INSL6: variants seen among roughly 807,000 people sequenced by gnomAD.
INSL6 encodes insulin like 6.
In INSL6, 16 loss-of-function variants were observed where a neutral mutation model predicts 9.4. That is an observed-to-expected ratio of 1.70 (90% confidence interval 1.15 to 2.59). The LOEUF is 2.59. Among genes scored for constraint, INSL6 ranks in the 30% most tolerant of loss-of-function variants. The pLI is 0.00. For synonymous variants in INSL6, 154 were observed against 96.9 expected (o/e 1.59, Z -3.46); for missense variants, 391 against 257.3 (o/e 1.52, Z -3.56).
the INSL6 span, among the ~76,000 whole-genome samples, chr9:5,019,265 A>G: frequency 6.6e-6 from 1 of 151,804 alleles, no homozygotes; most frequent in Non-Finnish European, 1.5e-5. Flanking sequence ...ATTTTTGTCT[A>G]ATGGGGTTAT....
At chr9:4,997,036 C>A in the INSL6 span, among the ~76,000 whole-genome samples, 1 of 150,526 alleles carries the variant, frequency 6.6e-6, no homozygotes, top group Non-Finnish European at 1.5e-5. Context: ...TCCAGTGATC[C>A]TCCTACCTCA....
At chr9:5,041,658 C>T in the INSL6 span, 2 of 507,958 alleles carry the variant, frequency 3.9e-6, no homozygotes, top group East Asian at 1.1e-4. Flanking sequence ...CGACTACCTG[C>T]GGAAGCTCTC....
chr9:5,072,955 A>G, the INSL6 span, among the ~76,000 whole-genome samples: 7 of 127,610 alleles, frequency 5.5e-5, no homozygotes, highest in East Asian at 1.4e-3. Context: ...CATTTATTTG[A>G]AAAAAAAACA....
intron 2 of INSL6, among the ~76,000 whole-genome samples, chr9:5,139,299 G>A (rs976797251): frequency 6.6e-6 from 1 of 151,950 alleles, no homozygotes; most frequent in African/African-American, 2.4e-5. Context: ...GTGGCCATTT[G>A]TTCATAGTTG....
At chr9:5,080,251 G>T in the INSL6 span, 2 of 1,612,378 alleles carry the variant, frequency 1.2e-6, no homozygotes, top group Non-Finnish European at 8.5e-7. Context: ...GAATACCATG[G>T]GTACCACCTG....
At chr9:5,058,917 A>T in the INSL6 span, among the ~76,000 whole-genome samples, 15 of 152,212 alleles carry the variant, frequency 9.9e-5, no homozygotes, top group South Asian at 8.3e-4. Flanking sequence ...TTATTTATGT[A>T]TTCTGGATAT....
intron 2 of INSL6, among the ~76,000 whole-genome samples, chr9:5,141,306 A>C (rs1188923136): frequency 2.0e-5 from 3 of 152,084 alleles, no homozygotes; most frequent in Non-Finnish European, 2.9e-5. Flanking sequence ...GGTTGAACTA[A>C]TTTACACTCC....
the INSL6 span, among the ~76,000 whole-genome samples, chr9:5,014,791 C>T: frequency 2.0e-5 from 3 of 152,168 alleles, no homozygotes; most frequent in African/African-American, 4.8e-5. Flanking sequence ...GAAACTACCA[C>T]CCACCCCAGG....
rs1172473325 is a variant in INSL6, at chr9:5,185,520, C to T, written c.83G>A (p.Ser28Asn). 5 of 1,614,216 alleles carry T rather than the reference C, an allele frequency of 3.1e-6. No individual in the cohort carries two copies. The South Asian group carries it at 4.4e-5, about 14-fold the overall frequency. Residue 28 changes from serine to asparagine, a missense_variant, in exon 1 of 2, where the codon AGT (serine) becomes AAT (asparagine). Coordinates refer to ENST00000381641, the MANE Select transcript of INSL6 (RefSeq NM_007179.3). ...RFSRELSDIS[S>N]ARKLCGRYLV... is the part of the protein sequence containing the mutation. ...GTACCTGCCGCACAGCTTCCTGGCA[C>T]TGCTGATGTCGCTCAGTTCACGAGA...
At chr9:5,038,868 A>G in the INSL6 span, among the ~76,000 whole-genome samples, 2 of 152,222 alleles carry the variant, frequency 1.3e-5, no homozygotes, top group South Asian at 2.1e-4. Flanking sequence ...AAATCAATCA[A>G]TGTAATACAC....
chr9:5,037,437 A>G, the INSL6 span, among the ~76,000 whole-genome samples: 277 of 151,932 alleles, frequency 1.8e-3, 1 homozygote, highest in Middle Eastern at 3.4e-3. Context: ...ATTCACAATA[A>G]CAAAGACTTG....
At chr9:4,999,230 C>T in the INSL6 span, among the ~76,000 whole-genome samples, 1 of 152,130 alleles carries the variant, frequency 6.6e-6, no homozygotes, top group Admixed American at 6.5e-5. Context: ...TATGGCTGTT[C>T]TTAATCTTTT....
intron 1 of INSL6, among the ~76,000 whole-genome samples, chr9:5,166,365 A>G (rs1388010168): frequency 6.6e-6 from 1 of 152,176 alleles, no homozygotes; most frequent in Non-Finnish European, 1.5e-5. Context: ...TTGCAGTTAG[A>G]GGCCTATTAG....
Position 5,164,204 on chromosome 9 carries a change from C to T in INSL6, c.351G>A (p.Lys117=). Residue 117 remains lysine (K), a synonymous_variant, in exon 2 of 2, where the codon AAG becomes AAA. Coordinates refer to ENST00000381641, the MANE Select transcript of INSL6 (RefSeq NM_007179.3). ...CAAGGGGTGAATATCCCTTTTTATCCTTATACTCAGGTAGTGACTGCATTT... is the reference window on the plus strand; with the variant it reads ...CAAGGGGTGAATATCCCTTTTTATCTTTATACTCAGGTAGTGACTGCATTT... ...SWEMQSLPEY[K]DKKGYSPLGK... 6.2e-7 allele frequency: 1 copy of T among 1,607,726 alleles called. No homozygotes were observed. The highest frequency in any genetic ancestry group is 8.5e-7 in the Non-Finnish European group (1 of 1,177,796).
At chr9:5,027,674 C>A in the INSL6 span, among the ~76,000 whole-genome samples, 1 of 152,182 alleles carries the variant, frequency 6.6e-6, no homozygotes, top group South Asian at 2.1e-4. Context: ...TCACTCAAAC[C>A]CTGCCACTGC....
the INSL6 span, chr9:5,110,664 G>A: frequency 3.3e-6 from 1 of 301,556 alleles, no homozygotes; most frequent in East Asian, 8.7e-5. Context: ...CACAAATACT[G>A]TCATATACCA....
At chr9:5,181,821 G>A (rs1354267415) in intron 1 of INSL6, among the ~76,000 whole-genome samples, 1 of 152,124 alleles carries the variant, frequency 6.6e-6, no homozygotes, top group African/African-American at 2.4e-5. Context: ...AAATCCAAAA[G>A]GTTAACATGT....
chr9:5,080,656 C>T, the INSL6 span: 9 of 1,596,520 alleles, frequency 5.6e-6, no homozygotes, highest in African/African-American at 2.7e-5. Context: ...AGCCATCATA[C>T]GAGATCTTAA....
the INSL6 span, chr9:5,096,791 T>C: frequency 6.6e-6 from 1 of 152,174 alleles, no homozygotes; most frequent in East Asian, 1.9e-4. Flanking sequence ...CAGAATTAGG[T>C]CAACCAGGAA....
Sources: gnomAD v4.1 joint callset for allele counts (sites outside exome capture counted in the v4.1 genomes callset) on GRCh38, gnomAD v4.1.1 for gene constraint, MANE v1.5 for transcripts, NCBI Gene and HGNC (gene_info 2026-07-23, HGNC 2026-07-21) for gene names.